The following TMEM132C variants were observed in gnomAD, a reference collection of about 807,000 sequenced individuals.
The protein encoded by TMEM132C is protein phosphatase 1, regulatory subunit 152.
TMEM132C carries 29 observed loss-of-function variants against 61.4 expected under a neutral mutation model. The ratio of observed to expected loss-of-function variants is 0.47; its 90% CI spans 0.35 to 0.64. The LOEUF (loss-of-function observed/expected upper bound fraction) is 0.64, where lower values mean the gene tolerates loss of function less well. TMEM132C is among the 30% of genes least tolerant of loss of function. The pLI is 0.00. For missense variants in TMEM132C, 1,408 were observed against 1,476.9 expected, an observed-to-expected ratio of 0.95 and a Z score of 0.76; for synonymous variants, 656 against 633.1, an observed-to-expected ratio of 1.04 and a Z score of -0.54.
chr12:128,468,280 A>C (rs919678363), intron 2 of TMEM132C, among the ~76,000 whole-genome samples: 3 of 152,006 alleles, frequency 2.0e-5, no homozygotes, highest in Non-Finnish European at 4.4e-5. Context: ...CTTTCTCCTG[A>C]AAGCACAAGT....
At position 128,706,366 on chromosome 12, in the gene TMEM132C, G is replaced by T; in HGVS notation, c.*71G>T. On this transcript the variant is annotated 3_prime_UTR_variant, in exon 9 of 9. Transcript: ENST00000435159. ...GAAACTGGCCCAAGTGGGGCAGAAG[G>T]CGTTGTCAGTGGGGTTAAGAAGGGA... 2.1e-6 allele frequency: 3 copies of T among 1,444,500 alleles called. No homozygotes were observed. The highest frequency in any genetic ancestry group is 2.2e-4 in the Middle Eastern group (1 of 4,612). The allele number at this position is 1,444,500 out of a possible 1,614,324, so 89.5% of individuals were successfully genotyped here.
chr12:128,321,802 C>A (rs1192280188), intron 1 of TMEM132C, among the ~76,000 whole-genome samples: 2 of 152,104 alleles, frequency 1.3e-5, no homozygotes, highest in Non-Finnish European at 2.9e-5. Flanking sequence ...TACATGTACA[C>A]CTCTAATCAT....
chr12:128,480,440 T>C (rs1871281752), intron 2 of TMEM132C, among the ~76,000 whole-genome samples: 1 of 152,202 alleles, frequency 6.6e-6, no homozygotes, highest in Non-Finnish European at 1.5e-5. Context: ...TAGTTCCAGA[T>C]CTACATCAGA....
intron 1 of TMEM132C, among the ~76,000 whole-genome samples, chr12:128,268,938 AG>A (rs1465812789): frequency 2.5e-5 from 2 of 80,436 alleles, no homozygotes; most frequent in African/African-American, 1.4e-4. Context: ...GGGGCGAGAG[AG>A]GGGGGAAAGG....
chr12:128,625,337 C>T (rs576843001), intron 4 of TMEM132C, among the ~76,000 whole-genome samples: 1 of 151,268 alleles, frequency 6.6e-6, no homozygotes, highest in Non-Finnish European at 1.5e-5. Flanking sequence ...GGTGCATAGA[C>T]AGTGGCTTCT....
At chr12:128,528,087 C>T (rs771631353) in intron 2 of TMEM132C, among the ~76,000 whole-genome samples, 10 of 152,290 alleles carry the variant, frequency 6.6e-5, no homozygotes, top group Non-Finnish European at 1.2e-4. Flanking sequence ...ATCGTTGTTA[C>T]GATTGGACAT....
At chr12:128,521,998 G>A (rs1872920939) in intron 2 of TMEM132C, among the ~76,000 whole-genome samples, 1 of 152,110 alleles carries the variant, frequency 6.6e-6, no homozygotes, top group Non-Finnish European at 1.5e-5. Context: ...AATACATGAG[G>A]TCTTTGTTCA....
intron 1 of TMEM132C, among the ~76,000 whole-genome samples, chr12:128,352,493 C>T (rs918479631): frequency 5.9e-5 from 9 of 152,196 alleles, no homozygotes; most frequent in African/African-American, 2.2e-4. Context: ...ACAACCAAAT[C>T]ATCTCACTTA....
intron 2 of TMEM132C, among the ~76,000 whole-genome samples, chr12:128,469,624 C>T (rs189214538): frequency 6.5e-4 from 92 of 140,924 alleles, no homozygotes; most frequent in African/African-American, 2.6e-3. Context: ...TGCTTGTATG[C>T]TTTGTGTGTG....
At chr12:128,529,132 T>A (rs1408643649) in intron 2 of TMEM132C, among the ~76,000 whole-genome samples, 3 of 151,502 alleles carry the variant, frequency 2.0e-5, no homozygotes, top group Non-Finnish European at 4.4e-5. Flanking sequence ...AATATAAAAA[T>A]ATTTTATATT....
chr12:128,567,579 TC>T (rs1874746405), intron 3 of TMEM132C, among the ~76,000 whole-genome samples: 1 of 152,180 alleles, frequency 6.6e-6, no homozygotes, highest in African/African-American at 2.4e-5. Flanking sequence ...ATATAATTTG[TC>T]TTTGTCAATT....
At chr12:128,575,888 A>G (rs1161829741) in intron 3 of TMEM132C, among the ~76,000 whole-genome samples, 4 of 152,202 alleles carry the variant, frequency 2.6e-5, no homozygotes, top group Non-Finnish European at 1.5e-5. Flanking sequence ...CTGTCAGAGT[A>G]TTTCCTACAA....
intron 4 of TMEM132C, among the ~76,000 whole-genome samples, chr12:128,666,320 C>T (rs559784913): frequency 5.3e-5 from 8 of 151,480 alleles, no homozygotes; most frequent in African/African-American, 1.7e-4. Context: ...CCCATAAACA[C>T]GCAGGCACTC....
intron 2 of TMEM132C, among the ~76,000 whole-genome samples, chr12:128,516,178 C>A (rs1872711878): frequency 6.6e-6 from 1 of 152,122 alleles, no homozygotes; most frequent in Non-Finnish European, 1.5e-5. Flanking sequence ...ACACTAAGTA[C>A]CCACAAAAAA....
rs80041440 is a variant in TMEM132C at position 128,570,882 on chromosome 12, G to T, written c.1121+26779G>T. On this transcript the variant is annotated intron_variant, in intron 3 of 8. Transcript: ENST00000435159. The surrounding 1 kb of genome is among the most constrained non-coding windows in gnomAD (Gnocchi z 4.7). ...TATATCTCATGGCTGAATGGGACCC[G>T]TAGAGCCACTCCTAGCAATAAGGAA... Among the ~76,000 whole-genome samples the T allele has an allele frequency of 6.6e-6, 1 of 152,162 alleles. No individual in the cohort carries two copies. The highest frequency in any genetic ancestry group is 2.1e-4 in the South Asian group (1 of 4,826).
chr12:128,700,566 G>A (rs1954796842), intron 8 of TMEM132C, among the ~76,000 whole-genome samples: 1 of 152,190 alleles, frequency 6.6e-6, no homozygotes, highest in African/African-American at 2.4e-5. Flanking sequence ...ACACTGTTCA[G>A]TCTTTTATCT....
At chr12:128,316,685 T>A (rs1434251401) in intron 1 of TMEM132C, among the ~76,000 whole-genome samples, 1 of 152,204 alleles carries the variant, frequency 6.6e-6, no homozygotes, top group African/African-American at 2.4e-5. Flanking sequence ...ACTGTCTCTG[T>A]CCCATTATTT....
At chr12:128,588,849 C>T (rs1875645286) in intron 3 of TMEM132C, among the ~76,000 whole-genome samples, 2 of 152,164 alleles carry the variant, frequency 1.3e-5, no homozygotes, top group Admixed American at 1.3e-4. Flanking sequence ...GTTGATAAGT[C>T]ACCCAGTCTG....
intron 2 of TMEM132C, among the ~76,000 whole-genome samples, chr12:128,543,175 C>T (rs372950781): frequency 6.6e-6 from 1 of 152,142 alleles, no homozygotes. Context: ...AAGTGTGTGC[C>T]AGGCAAGTCA....
Sources: allele counts gnomAD v4.1 joint callset (sites outside exome capture counted in the v4.1 genomes callset), GRCh38; gene constraint gnomAD v4.1.1; non-coding constraint Gnocchi (gnomAD v3.1); transcripts MANE v1.5; gene names NCBI Gene and HGNC (gene_info 2026-07-23, HGNC 2026-07-21).